The following ZNF804B variants were observed in gnomAD, a reference collection of about 807,000 sequenced individuals.
The protein encoded by ZNF804B is zinc finger 804B.
In ZNF804B, 80 loss-of-function variants were observed where a neutral mutation model predicts 101.4. The observed-to-expected ratio is 0.79, with a 90% CI of 0.66 to 0.95. The LOEUF (loss-of-function observed/expected upper bound fraction) is 0.95. ZNF804B is among the 40% of genes least tolerant of loss of function. The probability of loss-of-function intolerance (pLI) is 0.00; values close to 1 mark genes in which losing one functional copy is unlikely to be tolerated. For missense variants in ZNF804B, 1,673 were observed against 1,561.9 expected (o/e 1.07, Z -1.20); for synonymous variants, 622 against 558.8 (o/e 1.11, Z -1.59).
chr7:89,242,637 A>C (rs1789388356), intron 2 of ZNF804B, among the ~76,000 whole-genome samples: 1 of 151,852 alleles, frequency 6.6e-6, no homozygotes. Context: ...TTGAAAAAAA[A>C]AGATAACTTA....
At chr7:88,807,456 G>A (rs543069455) in intron 1 of ZNF804B, among the ~76,000 whole-genome samples, 4 of 152,300 alleles carry the variant, frequency 2.6e-5, no homozygotes, top group Middle Eastern at 3.4e-3. Context: ...TTTGTGTTAC[G>A]TGAGTAGAAA....
At chr7:88,773,346 A>T (rs758138342) in intron 1 of ZNF804B, among the ~76,000 whole-genome samples, 6 of 152,202 alleles carry the variant, frequency 3.9e-5, no homozygotes, top group Non-Finnish European at 8.8e-5. Flanking sequence ...CATCTGGAAG[A>T]AGCCAAAGAG....
chr7:89,190,114 A>G (rs1376365625), intron 1 of ZNF804B, among the ~76,000 whole-genome samples: 1 of 152,064 alleles, frequency 6.6e-6, no homozygotes. Context: ...AAATCACTGC[A>G]GATATGGTTT....
At chr7:89,192,691 C>G (rs934543032) in intron 1 of ZNF804B, among the ~76,000 whole-genome samples, 82 of 151,878 alleles carry the variant, frequency 5.4e-4, no homozygotes, top group African/African-American at 1.9e-3. Context: ...CTAGCAGGGA[C>G]ACAACAAAAA....
intron 2 of ZNF804B, among the ~76,000 whole-genome samples, chr7:89,291,539 G>T (rs2085056523): frequency 6.6e-6 from 1 of 151,920 alleles, no homozygotes; most frequent in African/African-American, 2.4e-5. Context: ...ACAGAAGAAA[G>T]AATTAGTGAA....
intron 2 of ZNF804B, among the ~76,000 whole-genome samples, chr7:89,250,693 C>A (rs1178782721): frequency 6.6e-6 from 1 of 152,124 alleles, no homozygotes; most frequent in East Asian, 1.9e-4. Flanking sequence ...AATTTCTCAA[C>A]AAAATACTAG....
At chr7:89,194,493 G>C (rs1584044969) in intron 1 of ZNF804B, among the ~76,000 whole-genome samples, 2 of 150,330 alleles carry the variant, frequency 1.3e-5, no homozygotes. Flanking sequence ...TTTTGTATAA[G>C]GTGTAAGGAA....
At chr7:88,947,946 A>C (rs1793161352) in intron 1 of ZNF804B, among the ~76,000 whole-genome samples, 1 of 151,956 alleles carries the variant, frequency 6.6e-6, no homozygotes, top group Non-Finnish European at 1.5e-5. Flanking sequence ...CACACATTTT[A>C]TCTCTTTGTA....
intron 1 of ZNF804B, among the ~76,000 whole-genome samples, chr7:89,070,924 C>G (rs959185124): frequency 2.0e-5 from 3 of 151,964 alleles, no homozygotes; most frequent in Admixed American, 6.6e-5. Context: ...TAGTCATCCC[C>G]CAGTATCAAT....
At chr7:88,986,891 GTTGTTTTGTT>G (rs371907791) in intron 1 of ZNF804B, among the ~76,000 whole-genome samples, 6 of 152,134 alleles carry the variant, frequency 3.9e-5, no homozygotes, top group Non-Finnish European at 5.9e-5. Flanking sequence ...GCCAAATAAA[GTTGTTTTGTT>G]TTGTTTTGTT....
chr7:89,149,114 T>A (rs1216990981), intron 1 of ZNF804B, among the ~76,000 whole-genome samples: 1 of 152,078 alleles, frequency 6.6e-6, no homozygotes. Flanking sequence ...ACTGACCCCA[T>A]GGCATGAACC....
intron 1 of ZNF804B, among the ~76,000 whole-genome samples, chr7:88,786,756 C>T (rs1790308598): frequency 6.6e-6 from 1 of 151,958 alleles, no homozygotes; most frequent in African/African-American, 2.4e-5. Flanking sequence ...GTTTGATTTC[C>T]ATTTCAATAA....
intron 1 of ZNF804B, among the ~76,000 whole-genome samples, chr7:88,884,672 T>C (rs1354000706): frequency 6.6e-6 from 1 of 151,880 alleles, no homozygotes; most frequent in East Asian, 1.9e-4. Context: ...AGAAATGAGA[T>C]TGATATGTAA....
chr7:89,295,841 T>C (rs140905621), intron 2 of ZNF804B, among the ~76,000 whole-genome samples: 236 of 152,228 alleles, frequency 1.6e-3, no homozygotes, highest in South Asian at 6.0e-3. Flanking sequence ...AACAAAACAA[T>C]GTATTTTGCA....
At chr7:89,011,617 C>A (rs1788463462) in intron 1 of ZNF804B, among the ~76,000 whole-genome samples, 1 of 152,084 alleles carries the variant, frequency 6.6e-6, no homozygotes, top group East Asian at 1.9e-4. Flanking sequence ...TTCCATGCAA[C>A]TCCACAACCC....
At chr7:88,835,810 A>T (rs1026117925) in intron 1 of ZNF804B, among the ~76,000 whole-genome samples, 9 of 151,918 alleles carry the variant, frequency 5.9e-5, no homozygotes, top group Non-Finnish European at 1.3e-4. Context: ...TTATAAGCAA[A>T]ATGAAAGCAA....
Position 88,760,008 on chromosome 7 carries a change from A to C in ZNF804B, c.32A>C (p.His11Pro), listed in dbSNP as rs1200973877. 6.2e-7 allele frequency: 1 copy of C among 1,614,144 alleles called. No individual in the cohort carries two copies. The highest frequency in any genetic ancestry group is 1.7e-5 in the Admixed American group (1 of 60,026). The part of the protein sequence containing the change: MACYLVISSR[H>P]LSNGHYRGIK... ...TGTTACCTGGTCATCAGTTCGAGAC[A>C]TCTCAGCAATGGGCACTACCGGGGC... is the stretch of plus-strand genomic sequence containing the variant. Residue 11 changes from histidine to proline, a missense_variant, in exon 1 of 4, where the codon CAT becomes CCT. By Grantham distance (77) the His-to-Pro change is moderately conservative. Coordinates refer to ENST00000333190, the MANE Select transcript of ZNF804B (RefSeq NM_181646.5).
chr7:88,951,439 T>C (rs1280057023), intron 1 of ZNF804B, among the ~76,000 whole-genome samples: 1 of 151,880 alleles, frequency 6.6e-6, no homozygotes, highest in Non-Finnish European at 1.5e-5. Flanking sequence ...AAATATATTT[T>C]GTGTACATAC....
chr7:89,304,448 G>A (rs1790530608), intron 2 of ZNF804B, among the ~76,000 whole-genome samples: 1 of 151,638 alleles, frequency 6.6e-6, no homozygotes, highest in Non-Finnish European at 1.5e-5. Context: ...TAACTTATCT[G>A]GTGCAGTTTT....
Sources: gnomAD v4.1 joint callset for allele counts (sites outside exome capture counted in the v4.1 genomes callset) on GRCh38, gnomAD v4.1.1 for gene constraint, MANE v1.5 for transcripts, NCBI Gene and HGNC (gene_info 2026-07-23, HGNC 2026-07-21) for gene names.